The following PRORP variants were observed in gnomAD, a reference collection of about 807,000 sequenced individuals.
PRORP encodes protein only RNase P catalytic subunit.
In PRORP, 51 loss-of-function variants were observed where a neutral mutation model predicts 59.4. The observed-to-expected ratio is 0.86, with a 90% CI of 0.69 to 1.08. PRORP has a LOEUF of 1.08. Among genes scored for constraint, PRORP ranks in the 50% least tolerant of loss-of-function variants. PRORP has a pLI of 0.00. For missense variants in PRORP, 646 were observed against 690.3 expected (o/e 0.94, Z 0.72); for synonymous variants, 231 against 245.6 (o/e 0.94, Z 0.55).
At chr14:35,218,465 A>AAT (rs2049668766) in intron 5 of PRORP, among the ~76,000 whole-genome samples, 1 of 144,044 alleles carries the variant, frequency 6.9e-6, no homozygotes, top group East Asian at 2.0e-4. Context: ...TGTCTAAAAA[A>AAT]AGAAAAAAAA....
chr14:35,233,402 A>G lies in PRORP; in HGVS notation c.1276-33325A>G, dbSNP rs894819283. Among the ~76,000 whole-genome samples the G allele has an allele frequency of 1.1e-4, 17 of 150,338 alleles. 1 individual carries two copies. The highest frequency in any genetic ancestry group is 3.2e-4 in the African/African-American group (13 of 40,904). ...TTCAGTGCACAGCCAGCTTAGTTCTATACAGTAGTCTTATCTACTGTGCTT... is the reference window on the plus strand; with the variant it reads ...TTCAGTGCACAGCCAGCTTAGTTCTGTACAGTAGTCTTATCTACTGTGCTT... On this transcript the variant is annotated intron_variant, in intron 5 of 7. Transcript: ENST00000534898.
At chr14:35,216,670 A>G (rs1171094592) in intron 5 of PRORP, among the ~76,000 whole-genome samples, 1 of 152,152 alleles carries the variant, frequency 6.6e-6, no homozygotes, top group Non-Finnish European at 1.5e-5. Flanking sequence ...GTAGGAGTAG[A>G]ATTGTCAGTT....
intron 4 of PRORP, among the ~76,000 whole-genome samples, chr14:35,142,489 C>T (rs2047505271): frequency 7.2e-6 from 1 of 139,084 alleles, no homozygotes; most frequent in African/African-American, 2.5e-5. Context: ...CTAGGACTTA[C>T]AGGTGCATGC....
chr14:35,133,970 A>G (rs1212536300), intron 4 of PRORP, among the ~76,000 whole-genome samples: 3 of 152,150 alleles, frequency 2.0e-5, no homozygotes, highest in African/African-American at 4.8e-5. Context: ...AGCCTGCTTA[A>G]CTACTCCCTG....
At chr14:35,191,027 T>A (rs1198627426) in intron 5 of PRORP, among the ~76,000 whole-genome samples, 3 of 152,228 alleles carry the variant, frequency 2.0e-5, no homozygotes, top group Admixed American at 6.5e-5. Context: ...AACATGTTAT[T>A]TGGACTCTTA....
chr14:35,249,697 G>C (rs2050566936), intron 5 of PRORP, among the ~76,000 whole-genome samples: 1 of 152,152 alleles, frequency 6.6e-6, no homozygotes, highest in African/African-American at 2.4e-5. Flanking sequence ...ACTGGTATTA[G>C]AAATCCTTTA....
intron 5 of PRORP, among the ~76,000 whole-genome samples, chr14:35,221,552 G>T (rs566235210): frequency 6.6e-6 from 1 of 152,054 alleles, no homozygotes; most frequent in Non-Finnish European, 1.5e-5. Context: ...TGCCAAAAAC[G>T]AGTGCCTTAG....
chr14:35,271,002 T>G (rs1219166484), intron 7 of PRORP, among the ~76,000 whole-genome samples: 1 of 151,222 alleles, frequency 6.6e-6, no homozygotes, highest in East Asian at 2.0e-4. Flanking sequence ...CAGGAGAATG[T>G]CATGAACCCT....
chr14:35,129,066 G>A (rs137917827), intron 4 of PRORP, among the ~76,000 whole-genome samples: 277 of 151,904 alleles, frequency 1.8e-3, no homozygotes, highest in African/African-American at 6.4e-3. Context: ...AAATTAGCTG[G>A]GCATGGCGGC....
intron 5 of PRORP, among the ~76,000 whole-genome samples, chr14:35,265,667 A>G (rs1408014562): frequency 1.3e-5 from 2 of 152,222 alleles, no homozygotes; most frequent in African/African-American, 4.8e-5. Flanking sequence ...GTCATAACAT[A>G]GAAAAGTCAC....
chr14:35,188,191 A>ATTT lies in PRORP; in HGVS notation c.1275+7429_1275+7431dup, dbSNP rs35907061. On this transcript the variant is annotated intron_variant, in intron 5 of 7. Coordinates refer to ENST00000534898, the MANE Select transcript of PRORP (RefSeq NM_014672.4). ...TTTTTATTATTATTGTTGAGTTGTA[A>ATTT]TTTTTTTTTTTTTTTTTGAGACAGA... 4.1e-4 allele frequency among the ~76,000 whole-genome samples: 45 copies of ATTT among 111,030 alleles called. 1 individual carries two copies. The highest frequency in any genetic ancestry group is 5.7e-4 in the South Asian group (2 of 3,488). The allele number at this position is 111,030 out of a possible 152,430, so 72.8% of individuals were successfully genotyped here. A position where few individuals can be genotyped will look rare whatever the true frequency, so the allele number is the denominator to read the frequency against.
chr14:35,125,881 T>A (rs1289482731), intron 2 of PRORP, among the ~76,000 whole-genome samples: 1 of 152,176 alleles, frequency 6.6e-6, no homozygotes, highest in African/African-American at 2.4e-5. Flanking sequence ...TAGCTTGGCA[T>A]GGCGGTGTGT....
intron 5 of PRORP, among the ~76,000 whole-genome samples, chr14:35,210,868 A>G (rs1009463627): frequency 1.4e-5 from 2 of 140,430 alleles, no homozygotes; most frequent in Admixed American, 8.2e-5. Context: ...GACTCAAGCT[A>G]TCCTCCCACC....
chr14:35,203,797 G>A lies in PRORP; in HGVS notation c.1275+23020G>A, dbSNP rs143144409. On this transcript the variant is annotated intron_variant, in intron 5 of 7. Transcript: ENST00000534898. ...GTGAATGGCATGAACCCCAGGGGGC[G>A]GAGCCTGCAGTGAGCTGAGATCACG... Among the ~76,000 whole-genome samples the A allele has an allele frequency of 5.2e-3, 792 of 152,202 alleles. 9 individuals carry two copies. Among genetic ancestry groups the A allele is most frequent in the African/African-American group, 0.018 (746 of 41,530 alleles).
chr14:35,152,379 C>A, intron 4 of PRORP, among the ~76,000 whole-genome samples: 1 of 151,922 alleles, frequency 6.6e-6, no homozygotes, highest in East Asian at 1.9e-4. Context: ...TTTTCCCCAC[C>A]TTTCCCCCTT....
At chr14:35,256,869 C>CTTTTTTTT (rs71121272) in intron 5 of PRORP, among the ~76,000 whole-genome samples, 1 of 136,894 alleles carries the variant, frequency 7.3e-6, no homozygotes. Flanking sequence ...TGATAAAATC[C>CTTTTTTTT]TTTTTTTTTT....
At chr14:35,221,325 A>T (rs2049776419) in intron 5 of PRORP, among the ~76,000 whole-genome samples, 1 of 152,218 alleles carries the variant, frequency 6.6e-6, no homozygotes, top group South Asian at 2.1e-4. Context: ...ATGATGAATA[A>T]AATATCAAAA....
At chr14:35,255,430 G>A (rs553456834) in intron 5 of PRORP, among the ~76,000 whole-genome samples, 4 of 152,180 alleles carry the variant, frequency 2.6e-5, no homozygotes, top group African/African-American at 9.6e-5. Context: ...ACACCCGGCT[G>A]GAATAACTGT....
chr14:35,232,197 T>C (rs1202192489), intron 5 of PRORP, among the ~76,000 whole-genome samples: 1 of 152,036 alleles, frequency 6.6e-6, no homozygotes. Flanking sequence ...TGCAGATTTT[T>C]TTTTTTTTTC....
Sources: allele counts gnomAD v4.1 joint callset (sites outside exome capture counted in the v4.1 genomes callset), GRCh38; gene constraint gnomAD v4.1.1; transcripts MANE v1.5; gene names NCBI Gene and HGNC (gene_info 2026-07-23, HGNC 2026-07-21).